Variants in PCDHA1 observed in about 807,000 individuals in gnomAD.
PCDHA1 encodes protocadherin alpha 1.
A neutral mutation model predicts 61.3 loss-of-function variants in PCDHA1; 42 were observed. That is an observed-to-expected ratio of 0.69 (90% CI 0.54 to 0.89). The LOEUF is 0.89. Among genes scored for constraint, PCDHA1 ranks in the 40% least tolerant of loss-of-function variants. PCDHA1 has a pLI of 0.00. For synonymous variants in PCDHA1, 610 were observed against 553.8 expected (o/e 1.10, Z -1.43); for missense variants, 1,256 against 1,235.3 (o/e 1.02, Z -0.25).
chr5:140,895,225 G>A (rs1472993401), intron 1 of PCDHA1, among the ~76,000 whole-genome samples: 1 of 152,050 alleles, frequency 6.6e-6, no homozygotes, highest in African/African-American at 2.4e-5. Flanking sequence ...ATTTTACTGA[G>A]TTTTCTCATC....
At chr5:140,907,840 A>C (rs2073633940) in intron 1 of PCDHA1, among the ~76,000 whole-genome samples, 1 of 152,160 alleles carries the variant, frequency 6.6e-6, no homozygotes, top group South Asian at 2.1e-4. Context: ...TGTTTATTAA[A>C]ATCCTCCTCT....
At chr5:140,823,393 G>T in intron 1 of PCDHA1, 1 of 1,612,960 alleles carries the variant, frequency 6.2e-7, no homozygotes, top group Non-Finnish European at 8.5e-7. Flanking sequence ...GCGCGACGCG[G>T]GCGTGCCGCC....
At chr5:140,823,804 G>A (rs782334570) in intron 1 of PCDHA1, 20 of 1,613,694 alleles carry the variant, frequency 1.2e-5, no homozygotes, top group Non-Finnish European at 1.6e-5. Context: ...GGCGCCGAAG[G>A]CCTCATCGCG....
At chr5:140,792,899 C>T (rs1388169220) in intron 1 of PCDHA1, among the ~76,000 whole-genome samples, 1 of 152,294 alleles carries the variant, frequency 6.6e-6, no homozygotes, top group East Asian at 1.9e-4. Flanking sequence ...GGGTACATGC[C>T]ATGACCTCCA....
In PCDHA1 at chr5:141,010,806, C is replaced by T. The variant is rs1404036886; in HGVS notation, c.*869C>T. ...GCAAAAGCAAAAGAAAACCCCGACA[C>T]CTCACCTTTCGCTGTTTGTTGTTTC... On this transcript the variant is annotated 3_prime_UTR_variant, in exon 4 of 4. Transcript: ENST00000504120. 2 of 153,736 alleles carry T rather than the reference C, an allele frequency of 1.3e-5. No individual in the cohort carries two copies. Among genetic ancestry groups the T allele is most frequent in the Non-Finnish European group, 1.5e-5 (1 of 68,048 alleles). 9.5% of individuals were successfully genotyped at this position (153,736 alleles called of 1,614,324 possible).
intron 1 of PCDHA1, chr5:140,805,176 A>ATGCCAAATAAATATTGAATAGC: frequency 6.6e-7 from 1 of 1,505,204 alleles, no homozygotes; most frequent in Non-Finnish European, 8.8e-7. Context: ...TACTGATGCT[A>ATGCCAAATAAATATTGAATAGC]TGCCAAATAA....
At chr5:140,886,339 C>T (rs181002773) in intron 1 of PCDHA1, among the ~76,000 whole-genome samples, 87 of 151,982 alleles carry the variant, frequency 5.7e-4, no homozygotes, top group Non-Finnish European at 1.2e-3. Flanking sequence ...ATGTGCAGAA[C>T]GTGCAGGTTT....
intron 1 of PCDHA1, among the ~76,000 whole-genome samples, chr5:140,942,305 G>A (rs2093264176): frequency 6.6e-6 from 1 of 152,106 alleles, no homozygotes; most frequent in Non-Finnish European, 1.5e-5. Context: ...AGCTACTTGG[G>A]AGGTCGAGGC....
In PCDHA1 at chr5:140,788,022, A is replaced by G. The variant is rs1554118088; in HGVS notation, c.1732A>G (p.Ser578Gly). The change falls in exon 1 of 4, where the codon AGT (serine) becomes GGT (glycine). Residue 578 changes from serine to glycine, a missense_variant. By Grantham distance (56) the Ser-to-Gly change is moderately conservative. Transcript: ENST00000504120. ...PRVGGTIGAV[S>G]ELVPRLVGAG... ...AGTGGGTGGCACTATTGGTGCAGTCAGTGAGCTGGTGCCGCGATTGGTGGG... is the reference window on the plus strand; with the variant it reads ...AGTGGGTGGCACTATTGGTGCAGTCGGTGAGCTGGTGCCGCGATTGGTGGG... 7 of 1,613,996 alleles carry G rather than the reference A, an allele frequency of 4.3e-6. No individual in the cohort carries two copies. The highest frequency in any genetic ancestry group is 3.4e-6 in the Non-Finnish European group (4 of 1,179,892).
At chr5:140,890,526 ATCT>A (rs2062679933) in intron 1 of PCDHA1, among the ~76,000 whole-genome samples, 1 of 151,278 alleles carries the variant, frequency 6.6e-6, no homozygotes, top group Admixed American at 6.6e-5. Flanking sequence ...TCCTTTGTTG[ATCT>A]TCTTTTGAAA....
intron 2 of PCDHA1, among the ~76,000 whole-genome samples, chr5:140,981,648 C>T (rs1294806137): frequency 6.6e-6 from 1 of 152,020 alleles, no homozygotes; most frequent in Non-Finnish European, 1.5e-5. Context: ...TCTTAGGATC[C>T]CACTTATTTC....
At chr5:140,915,646 C>A (rs2077236708) in intron 1 of PCDHA1, among the ~76,000 whole-genome samples, 1 of 151,916 alleles carries the variant, frequency 6.6e-6, no homozygotes, top group Non-Finnish European at 1.5e-5. Flanking sequence ...CTCTCTCTCT[C>A]TCTCTCTCTC....
At chr5:140,809,147 C>A in intron 1 of PCDHA1, 1 of 1,613,916 alleles carries the variant, frequency 6.2e-7, no homozygotes, top group Non-Finnish European at 8.5e-7. Flanking sequence ...GGTGAAGGAC[C>A]ACGGCGAGCC....
At chr5:140,803,938 A>C in intron 1 of PCDHA1, 1 of 399,126 alleles carries the variant, frequency 2.5e-6, no homozygotes, top group South Asian at 3.7e-5. Context: ...TTATCCCTAT[A>C]CAATGCTTCT....
chr5:140,799,916 C>T (rs1762489723), intron 1 of PCDHA1, among the ~76,000 whole-genome samples: 1 of 152,106 alleles, frequency 6.6e-6, no homozygotes, highest in Admixed American at 6.5e-5. Flanking sequence ...GGCGAGAATT[C>T]ATGCTTCTCA....
intron 1 of PCDHA1, among the ~76,000 whole-genome samples, chr5:140,925,297 A>G (rs572435227): frequency 6.6e-6 from 1 of 152,246 alleles, no homozygotes; most frequent in Non-Finnish European, 1.5e-5. Context: ...ATGTTTCATT[A>G]TTGGGGCTTT....
intron 1 of PCDHA1, chr5:140,835,577 G>A: frequency 1.9e-6 from 3 of 1,613,890 alleles, no homozygotes; most frequent in Non-Finnish European, 2.5e-6. Flanking sequence ...TCAAGTTGGT[G>A]TCCACCTTCA....
chr5:140,909,769 C>T (rs1213208977), intron 1 of PCDHA1, among the ~76,000 whole-genome samples: 2 of 152,104 alleles, frequency 1.3e-5, no homozygotes, highest in Non-Finnish European at 2.9e-5. Flanking sequence ...AGTCCAGGGA[C>T]CCACTGGACC....
At chr5:140,977,955 C>T (rs1280190913) in intron 1 of PCDHA1, among the ~76,000 whole-genome samples, 1 of 152,170 alleles carries the variant, frequency 6.6e-6, no homozygotes, top group African/African-American at 2.4e-5. Context: ...GACAGGGCCA[C>T]CTCAATCTCC....
Sources: allele counts gnomAD v4.1 joint callset (sites outside exome capture counted in the v4.1 genomes callset), GRCh38; gene constraint gnomAD v4.1.1; transcripts MANE v1.5; gene names NCBI Gene and HGNC (gene_info 2026-07-23, HGNC 2026-07-21).